The following EVL variants were observed in gnomAD, a reference collection of about 807,000 sequenced individuals.
EVL encodes the protein Enah/Vasp-like.
A neutral mutation model predicts 59.6 loss-of-function variants in EVL; 21 were observed. The ratio of observed to expected loss-of-function variants is 0.35; its 90% confidence interval spans 0.25 to 0.51. The LOEUF is 0.51. Among genes scored for constraint, EVL ranks in the 20% least tolerant of loss-of-function variants. EVL has a pLI of 0.97. For missense variants in EVL, 462 were observed against 546.6 expected, an observed-to-expected ratio of 0.85 and a Z score of 1.54; for synonymous variants, 198 against 203.5, an observed-to-expected ratio of 0.97 and a Z score of 0.23.
At chr14:100,126,614 C>G in intron 4 of EVL, 93 bp from the exon 5 acceptor site, 1 of 1,421,710 alleles carries the variant, frequency 7.0e-7, no homozygotes, top group Non-Finnish European at 9.8e-7. Flanking sequence ...AAACCTGACT[C>G]TGAAGCCGGG....
At chr14:100,118,148 A>C (rs1180496579) in intron 3 of EVL, among the ~76,000 whole-genome samples, 2 of 152,180 alleles carry the variant, frequency 1.3e-5, no homozygotes, top group African/African-American at 2.4e-5. Context: ...TCACATTCAG[A>C]GTCCCATGAG....
upstream of EVL, among the ~76,000 whole-genome samples, chr14:100,061,577 G>A (rs769224831): frequency 6.0e-5 from 9 of 150,686 alleles, no homozygotes; most frequent in African/African-American, 1.2e-4. Flanking sequence ...TTCAATACAC[G>A]CACACACGCA....
chr14:99,991,299 A>G (rs1322777513), intron 1 of EVL, among the ~76,000 whole-genome samples: 3 of 152,152 alleles, frequency 2.0e-5, no homozygotes, highest in Admixed American at 2.0e-4. Context: ...TGCTCATTTA[A>G]TTTTACATAA....
upstream of EVL, among the ~76,000 whole-genome samples, chr14:100,064,377 T>A (rs181896204): frequency 6.6e-6 from 1 of 152,344 alleles, no homozygotes; most frequent in Admixed American, 6.5e-5. Context: ...CTCAGTAGAT[T>A]TTGAAAGAAA....
intron 1 of EVL, among the ~76,000 whole-genome samples, chr14:100,040,087 G>C (rs1218345074): frequency 3.9e-5 from 6 of 152,182 alleles, no homozygotes; most frequent in Admixed American, 3.9e-4. Flanking sequence ...GCCCCCATGA[G>C]CTGTTGATCT....
intron 1 of EVL, among the ~76,000 whole-genome samples, chr14:100,037,049 C>G (rs2061399677): frequency 6.6e-6 from 1 of 152,222 alleles, no homozygotes; most frequent in Non-Finnish European, 1.5e-5. Flanking sequence ...GAAGGCAAAC[C>G]TGCCAACACC....
chr14:100,112,611 C>T (rs1414183769), intron 3 of EVL, among the ~76,000 whole-genome samples: 1 of 152,226 alleles, frequency 6.6e-6, no homozygotes, highest in African/African-American at 2.4e-5. Flanking sequence ...GCCAAGCATG[C>T]TCCTAAAGTC....
At chr14:100,136,829 C>T (rs1238882802) in intron 9 of EVL, among the ~76,000 whole-genome samples, 1 of 152,210 alleles carries the variant, frequency 6.6e-6, no homozygotes. Context: ...AGTGAGTGGG[C>T]TACGTGGTTC....
In EVL at chr14:100,085,036, A is replaced by G. The variant is rs1477734608; in HGVS notation, c.180+181A>G. 8.5e-6 allele frequency: 5 copies of G among 586,144 alleles called. No individual in the cohort carries two copies. In the East Asian group the frequency reaches 1.5e-4, roughly 17 times the overall value. The allele number at this position is 586,144 out of a possible 1,614,324, so 36.3% of individuals were successfully genotyped here. ...GTTCAAAGTATGACACCTTAAGCAC[A>G]CTGTTTCCTGGATTTCACTTTTTAC... On this transcript the variant is annotated intron_variant, in intron 2 of 13. Transcript: ENST00000392920.
At chr14:100,060,049 C>T (rs2061797311) in intron 1 of EVL, among the ~76,000 whole-genome samples, 1 of 152,120 alleles carries the variant, frequency 6.6e-6, no homozygotes, top group Admixed American at 6.5e-5. Flanking sequence ...CTTCAAATTA[C>T]CCATAATAAA....
At chr14:100,065,557 A>G (rs1381779375) in intron 1 of EVL, 46 bp downstream of exon 1, 17 of 1,234,466 alleles carry the variant, frequency 1.4e-5, no homozygotes, top group Admixed American at 2.5e-5. Context: ...GTCAAGAGGA[A>G]ACCTAGAATC....
intron 3 of EVL, among the ~76,000 whole-genome samples, chr14:100,099,775 A>G (rs529444169): frequency 1.6e-4 from 23 of 147,674 alleles, no homozygotes; most frequent in South Asian, 4.3e-4. Flanking sequence ...GAGTTTCACT[A>G]TGTTGGCCAG....
intron 1 of EVL, among the ~76,000 whole-genome samples, chr14:99,979,202 A>G (rs962169091): frequency 6.6e-6 from 1 of 152,106 alleles, no homozygotes; most frequent in African/African-American, 2.4e-5. Flanking sequence ...AAAGATTTAC[A>G]GAAACTTACT....
chr14:100,076,739 G>C (rs1190637547), intron 1 of EVL, among the ~76,000 whole-genome samples: 2 of 152,228 alleles, frequency 1.3e-5, no homozygotes, highest in African/African-American at 4.8e-5. Context: ...AGAGTGCGGG[G>C]GGTGGAGTGT....
At chr14:99,987,506 G>A (rs982523924) in intron 1 of EVL, among the ~76,000 whole-genome samples, 4 of 152,182 alleles carry the variant, frequency 2.6e-5, no homozygotes, top group African/African-American at 4.8e-5. Flanking sequence ...GCCTGGCATG[G>A]TGGCACACGC....
At chr14:100,100,141 G>A (rs1036873642) in intron 3 of EVL, among the ~76,000 whole-genome samples, 5 of 151,934 alleles carry the variant, frequency 3.3e-5, no homozygotes, top group Admixed American at 2.0e-4. Context: ...AAGCCATGCC[G>A]CATTATGAGG....
chr14:99,996,523 T>G (rs566345408), intron 1 of EVL, among the ~76,000 whole-genome samples: 1 of 152,322 alleles, frequency 6.6e-6, no homozygotes, highest in Admixed American at 6.5e-5. Context: ...TTAACATAAA[T>G]AGTAAAAATA....
At chr14:100,088,850 C>G (rs1430587115) in intron 2 of EVL, among the ~76,000 whole-genome samples, 5 of 152,116 alleles carry the variant, frequency 3.3e-5, no homozygotes, top group Non-Finnish European at 5.9e-5. Flanking sequence ...CAGCAAGTGT[C>G]CAGATCAGTC....
chr14:100,028,141 T>TG (rs58592644), intron 1 of EVL, among the ~76,000 whole-genome samples: 3 of 121,984 alleles, frequency 2.5e-5, no homozygotes, highest in Admixed American at 7.7e-5. Context: ...TTTGTTTTTT[T>TG]TTTTTTTTTT....
Sources: gnomAD v4.1 joint callset for allele counts (sites outside exome capture counted in the v4.1 genomes callset) on GRCh38, gnomAD v4.1.1 for gene constraint, MANE v1.5 for transcripts, NCBI Gene and HGNC (gene_info 2026-07-23, HGNC 2026-07-21) for gene names.